The following ZSCAN25 variants were observed in gnomAD, a reference collection of about 807,000 sequenced individuals.
ZSCAN25 encodes zinc finger and SCAN domain containing 25, also known as zinc finger and SCAN domain-containing protein 25.
ZSCAN25 carries 27 observed loss-of-function variants against 38.7 expected under a neutral mutation model. The ratio of observed to expected loss-of-function variants is 0.70; its 90% CI spans 0.51 to 0.96. The LOEUF is 0.96. ZSCAN25 is among the 40% of genes least tolerant of loss of function. The pLI is 0.00. For synonymous variants in ZSCAN25, 273 were observed against 277.7 expected (o/e 0.98, Z 0.17); for missense variants, 637 against 705.9 (o/e 0.90, Z 1.11).
chr7:99,650,013 A>T, the ZSCAN25 span: 34 of 1,579,314 alleles, frequency 2.2e-5, no homozygotes, highest in African/African-American at 3.7e-4. Flanking sequence ...TATTCTTTTA[A>T]AAAATATATA....
the ZSCAN25 span, chr7:99,649,935 A>G: frequency 1.8e-6 from 2 of 1,094,738 alleles, no homozygotes; most frequent in Non-Finnish European, 2.6e-6. Context: ...AAGCATCCTT[A>G]ATGATCAAAG....
chr7:99,716,613 T>C, the ZSCAN25 span, among the ~76,000 whole-genome samples: 1 of 152,210 alleles, frequency 6.6e-6, no homozygotes, highest in Admixed American at 6.5e-5. Flanking sequence ...ACACCTGTTG[T>C]TCCTGCATAA....
chr7:99,736,793 A>G, the ZSCAN25 span, among the ~76,000 whole-genome samples: 2 of 152,196 alleles, frequency 1.3e-5, no homozygotes, highest in African/African-American at 4.8e-5. Flanking sequence ...TGGCCTCAGC[A>G]GGTGAACATC....
chr7:99,689,559 G>A, the ZSCAN25 span, among the ~76,000 whole-genome samples: 6 of 152,112 alleles, frequency 3.9e-5, no homozygotes, highest in South Asian at 4.1e-4. Context: ...AGGACCCATC[G>A]TCTCAGCCCA....
downstream of ZSCAN25, among the ~76,000 whole-genome samples, chr7:99,635,819 G>A (rs1323627505): frequency 6.6e-6 from 1 of 152,014 alleles, no homozygotes; most frequent in Non-Finnish European, 1.5e-5. Context: ...AGGCTGAGGC[G>A]GGCGGATCAC....
the ZSCAN25 span, among the ~76,000 whole-genome samples, chr7:99,713,106 C>G: frequency 6.6e-6 from 1 of 152,140 alleles, no homozygotes; most frequent in South Asian, 2.1e-4. Flanking sequence ...CCATTGAAAG[C>G]AATCACAAAA....
the ZSCAN25 span, among the ~76,000 whole-genome samples, chr7:99,692,788 A>G: frequency 6.6e-6 from 1 of 152,140 alleles, no homozygotes; most frequent in African/African-American, 2.4e-5. Flanking sequence ...TTAGTTAGCC[A>G]TTCATGTAAC....
chr7:99,714,442 C>G, the ZSCAN25 span: 6 of 1,498,306 alleles, frequency 4.0e-6, no homozygotes, highest in South Asian at 6.1e-5. Flanking sequence ...CATAAGTACT[C>G]TTTATGTTAA....
the ZSCAN25 span, chr7:99,700,182 G>A: frequency 1.0e-5 from 6 of 596,096 alleles, no homozygotes; most frequent in Non-Finnish European, 1.5e-5. Context: ...AGAAGGAGGC[G>A]GGGCTGCAGC....
At position 99,629,119 on chromosome 7, in the gene ZSCAN25, G is replaced by A; in HGVS notation, c.806-72G>A. ...AAGGAACCATGAATGGGACCCCTGT[G>A]AAGCAGAGTTCTAACATGTAAATGT... is the stretch of plus-strand genomic sequence containing the variant. On this transcript the variant is annotated intron_variant, in intron 7 of 7. Coordinates refer to ENST00000394152, the MANE Select transcript of ZSCAN25 (RefSeq NM_145115.3). This position sits in a 1 kb window ranked among gnomAD's most constrained non-coding sequence, Gnocchi z 5.6. 5 of 1,512,274 alleles carry A rather than the reference G, an allele frequency of 3.3e-6. No homozygotes were observed. In the Admixed American group the frequency reaches 1.1e-4, roughly 35 times the overall value. 93.7% of individuals were successfully genotyped at this position (1,512,274 alleles called of 1,614,324 possible). A position where few individuals can be genotyped will look rare whatever the true frequency, so the allele number is the denominator to read the frequency against.
At position 99,629,644 on chromosome 7, in the gene ZSCAN25, T is replaced by C; in HGVS notation, c.1259T>C (p.Val420Ala). ...TTCAGCCAGAGACACCACCTGGAGGTGCACCAGCGCAGCCACACTGGGGAG... is the reference window on the plus strand; with the variant it reads ...TTCAGCCAGAGACACCACCTGGAGGCGCACCAGCGCAGCCACACTGGGGAG... The part of the protein sequence containing the change: ...KTFSQRHHLE[V>A]HQRSHTGEKP... Residue 420 changes from valine (V) to alanine (A), a missense_variant, in exon 8 of 8, where the codon GTG becomes GCG. By Grantham distance (64) the Val-to-Ala change is moderately conservative. Coordinates refer to ENST00000394152, the MANE Select transcript of ZSCAN25 (RefSeq NM_145115.3). The surrounding 1 kb of genome is among the most constrained non-coding windows in gnomAD (Gnocchi z 5.6). 1 of 1,613,944 alleles carries C rather than the reference T, an allele frequency of 6.2e-7. No individual in the cohort carries two copies. Among genetic ancestry groups the C allele is most frequent in the Non-Finnish European group, 8.5e-7 (1 of 1,180,002 alleles).
At chr7:99,663,892 A>G in the ZSCAN25 span, 3 of 1,487,924 alleles carry the variant, frequency 2.0e-6, no homozygotes, top group Non-Finnish European at 8.9e-7. Context: ...AAATACAGAT[A>G]CATGCTCTAT....
the ZSCAN25 span, among the ~76,000 whole-genome samples, chr7:99,668,121 C>T: frequency 1.3e-5 from 2 of 152,162 alleles, no homozygotes; most frequent in African/African-American, 4.8e-5. Context: ...CAAAATTATT[C>T]ACATTTCTAT....
chr7:99,717,494 G>C, the ZSCAN25 span: 2 of 1,612,128 alleles, frequency 1.2e-6, no homozygotes, highest in South Asian at 2.2e-5. Flanking sequence ...CATTCTTTAA[G>C]TTTCTAATTA....
chr7:99,710,447 A>G, the ZSCAN25 span, among the ~76,000 whole-genome samples: 4 of 152,206 alleles, frequency 2.6e-5, no homozygotes, highest in Admixed American at 1.3e-4. Context: ...CAATATGCAT[A>G]TTGTTAAATG....
the ZSCAN25 span, among the ~76,000 whole-genome samples, chr7:99,657,630 G>A: frequency 4.6e-5 from 7 of 152,120 alleles, no homozygotes; most frequent in Non-Finnish European, 7.4e-5. Flanking sequence ...TCAATTCCTG[G>A]ATATCCTTCT....
chr7:99,623,696 G>A (rs951909749), intron 6 of ZSCAN25, among the ~76,000 whole-genome samples: 2 of 152,186 alleles, frequency 1.3e-5, no homozygotes, highest in Admixed American at 6.5e-5. Context: ...ATAGTTCTTC[G>A]TGGTGCAGTG....
the ZSCAN25 span, chr7:99,730,955 A>G: frequency 2.1e-6 from 3 of 1,445,200 alleles, no homozygotes; most frequent in East Asian, 7.2e-5. Flanking sequence ...TTCTGAAAGT[A>G]TAAAATCTCA....
chr7:99,654,280 G>A, the ZSCAN25 span, among the ~76,000 whole-genome samples: 1 of 151,292 alleles, frequency 6.6e-6, no homozygotes, highest in Non-Finnish European at 1.5e-5. Context: ...CCCTTCCTGT[G>A]TCCATGTGTT....
Sources: allele counts gnomAD v4.1 joint callset (sites outside exome capture counted in the v4.1 genomes callset), GRCh38; gene constraint gnomAD v4.1.1; non-coding constraint Gnocchi (gnomAD v3.1); transcripts MANE v1.5; gene names NCBI Gene and HGNC (gene_info 2026-07-23, HGNC 2026-07-21).